The following TPD52 variants were observed in gnomAD, a reference collection of about 807,000 sequenced individuals.
TPD52 encodes the protein prostate and colon associated protein.
In TPD52, 17 loss-of-function variants were observed where a neutral mutation model predicts 31.3. The ratio of observed to expected loss-of-function variants is 0.54; its 90% confidence interval spans 0.37 to 0.82. TPD52 has a LOEUF of 0.82. Among genes scored for constraint, TPD52 ranks in the 40% least tolerant of loss-of-function variants. The pLI is 0.00. For synonymous variants in TPD52, 83 were observed against 89.6 expected, an observed-to-expected ratio of 0.93 and a Z score of 0.42; for missense variants, 212 against 240.1, an observed-to-expected ratio of 0.88 and a Z score of 0.77.
At chr8:80,152,579 G>A (rs558571136) in intron 1 of TPD52, among the ~76,000 whole-genome samples, 3 of 152,084 alleles carry the variant, frequency 2.0e-5, no homozygotes, top group East Asian at 1.9e-4. Context: ...TCAGGAGTCC[G>A]AGACCAGCCG....
intron 1 of TPD52, among the ~76,000 whole-genome samples, chr8:80,070,291 CAAGACTTTCT>C: frequency 6.6e-6 from 1 of 152,008 alleles, no homozygotes; most frequent in East Asian, 1.9e-4. Context: ...CCAAGTGCTT[CAAGACTTTCT>C]AAGATTATTG....
chr8:80,125,303 AC>A (rs1586348211), intron 1 of TPD52, among the ~76,000 whole-genome samples: 1 of 151,950 alleles, frequency 6.6e-6, no homozygotes, highest in Admixed American at 6.6e-5. Context: ...TAATAACGAG[AC>A]CCCCTCTCTA....
In TPD52 at chr8:80,152,852, CT is replaced by C. The variant is rs1232357443; in HGVS notation, c.19+18572del. Among the ~76,000 whole-genome samples, 8 of 149,948 alleles carry C rather than the reference CT, an allele frequency of 5.3e-5. No homozygotes were observed. The South Asian group carries it at 8.4e-4, about 16-fold the overall frequency. ...CTTCGAATTGAGGAAACTGATAGGCCTGCCAAAGACAGCCTATGTGGCAAGT... is the reference window on the plus strand; with the variant it reads ...CTTCGAATTGAGGAAACTGATAGGCCGCCAAAGACAGCCTATGTGGCAAGT... On this transcript the variant is annotated intron_variant, in intron 1 of 7. Transcript: ENST00000518937.
chr8:80,032,499 T>C (rs767883386), downstream of TPD52, among the ~76,000 whole-genome samples: 1 of 151,948 alleles, frequency 6.6e-6, no homozygotes, highest in Non-Finnish European at 1.5e-5. Flanking sequence ...AGCCCAGAAG[T>C]TTAGGGCCAG....
chr8:80,105,783 G>A, intron 1 of TPD52, among the ~76,000 whole-genome samples: 1 of 146,212 alleles, frequency 6.8e-6, no homozygotes, highest in Middle Eastern at 3.3e-3. Context: ...CCAGGCTGGA[G>A]TGCAGCGGTG....
chr8:80,058,787 T>C (rs1160592692), intron 2 of TPD52, among the ~76,000 whole-genome samples: 1 of 151,960 alleles, frequency 6.6e-6, no homozygotes, highest in Non-Finnish European at 1.5e-5. Context: ...AACAACAGAG[T>C]GAAACTCTGT....
At chr8:80,105,482 C>T (rs1424051472) in intron 1 of TPD52, among the ~76,000 whole-genome samples, 8 of 152,122 alleles carry the variant, frequency 5.3e-5, no homozygotes, top group African/African-American at 9.7e-5. Context: ...CAATCGATCA[C>T]GACCCTCTCA....
At chr8:80,140,542 A>T (rs1054719840) in intron 1 of TPD52, among the ~76,000 whole-genome samples, 1 of 152,226 alleles carries the variant, frequency 6.6e-6, no homozygotes, top group African/African-American at 2.4e-5. Context: ...ACTTTTGAAA[A>T]GTAATCCATT....
At chr8:80,086,976 T>C (rs548949515) in intron 1 of TPD52, among the ~76,000 whole-genome samples, 1 of 150,542 alleles carries the variant, frequency 6.6e-6, no homozygotes, top group East Asian at 1.9e-4. Flanking sequence ...CAATATATAC[T>C]GAAGTATTTA....
intron 1 of TPD52, among the ~76,000 whole-genome samples, chr8:80,112,509 C>T (rs967522572): frequency 3.3e-5 from 5 of 151,972 alleles, no homozygotes; most frequent in Non-Finnish European, 7.4e-5. Context: ...TATGAGTAGT[C>T]CATAAATAAA....
At chr8:80,056,603 C>A (rs895104091) in intron 2 of TPD52, among the ~76,000 whole-genome samples, 2 of 152,074 alleles carry the variant, frequency 1.3e-5, no homozygotes, top group African/African-American at 4.8e-5. Flanking sequence ...TGAAAAGATG[C>A]TTAACACCAT....
chr8:80,040,185 C>CT (rs34611433), intron 7 of TPD52, among the ~76,000 whole-genome samples: 2,464 of 95,642 alleles, frequency 0.026, 563 homozygotes, highest in African/African-American at 0.044. Context: ...ATACGCTATC[C>CT]TTTTTTTTTT....
chr8:80,133,575 C>T (rs925815618), intron 1 of TPD52, among the ~76,000 whole-genome samples: 4 of 152,068 alleles, frequency 2.6e-5, no homozygotes, highest in Non-Finnish European at 4.4e-5. Context: ...TTTGACCCAC[C>T]CACTCACTGA....
intron 3 of TPD52, chr8:80,052,673 C>T: frequency 7.8e-7 from 1 of 1,289,134 alleles, no homozygotes. Context: ...AAGCTTGCTC[C>T]TCCTTGTGCC....
chr8:80,166,015 A>C (rs946594369), intron 1 of TPD52, among the ~76,000 whole-genome samples: 2 of 152,324 alleles, frequency 1.3e-5, no homozygotes, highest in South Asian at 2.1e-4. Flanking sequence ...ACAAATGGCC[A>C]TTAAAAATGG....
chr8:80,113,862 A>G (rs926819835), intron 1 of TPD52, among the ~76,000 whole-genome samples: 2 of 152,252 alleles, frequency 1.3e-5, no homozygotes, highest in African/African-American at 4.8e-5. Context: ...CCCTGATTTG[A>G]TCATTACACA....
intron 1 of TPD52, among the ~76,000 whole-genome samples, chr8:80,085,624 T>C (rs887167939): frequency 2.6e-5 from 4 of 151,662 alleles, no homozygotes; most frequent in African/African-American, 9.7e-5. Context: ...TTAGGGACAG[T>C]CAGGGATTAT....
intron 1 of TPD52, among the ~76,000 whole-genome samples, chr8:80,157,611 A>G (rs901314518): frequency 1.3e-5 from 2 of 152,340 alleles, no homozygotes; most frequent in East Asian, 1.9e-4. Flanking sequence ...AATCAGTCCC[A>G]TAGCCAAGGC....
At chr8:80,053,885 C>T (rs1322615775) in intron 2 of TPD52, among the ~76,000 whole-genome samples, 1 of 152,196 alleles carries the variant, frequency 6.6e-6, no homozygotes, top group Non-Finnish European at 1.5e-5. Context: ...AAAACACACA[C>T]AACCAAGCCA....
Sources: gnomAD v4.1 joint callset for allele counts (sites outside exome capture counted in the v4.1 genomes callset) on GRCh38, gnomAD v4.1.1 for gene constraint, MANE v1.5 for transcripts, NCBI Gene and HGNC (gene_info 2026-07-23, HGNC 2026-07-21) for gene names.